Variants in MARCHF6 observed in about 807,000 individuals in gnomAD.
The protein encoded by MARCHF6 is E3 ubiquitin-protein ligase MARCHF6.
In MARCHF6, 31 loss-of-function variants were observed where a neutral mutation model predicts 133.7. The ratio of observed to expected loss-of-function variants is 0.23; its 90% confidence interval spans 0.17 to 0.31. The LOEUF is 0.31. Ranked by LOEUF, MARCHF6 falls within the 10% of genes least tolerant of loss-of-function variation. The probability of loss-of-function intolerance (pLI) is 1.00; values close to 1 mark genes in which losing one functional copy is unlikely to be tolerated. For missense variants in MARCHF6, 723 were observed against 1,121.6 expected (o/e 0.64, Z 5.08); for synonymous variants, 395 against 402.5 (o/e 0.98, Z 0.22).
intron 22 of MARCHF6, among the ~76,000 whole-genome samples, chr5:10,420,805 T>G (rs1370541863): frequency 6.6e-6 from 1 of 152,230 alleles, no homozygotes; most frequent in Non-Finnish European, 1.5e-5. Flanking sequence ...GGTTACTGCC[T>G]CATTACCAAT....
intron 5 of MARCHF6, among the ~76,000 whole-genome samples, chr5:10,388,509 G>A (rs573960864): frequency 2.6e-5 from 4 of 152,162 alleles, no homozygotes; most frequent in Non-Finnish European, 5.9e-5. Context: ...GCTTAAAACA[G>A]CTACCATTTT....
In MARCHF6 at chr5:10,438,437, A is replaced by G. The variant is rs1009747508; in HGVS notation, c.*4753A>G. 4.6e-5 allele frequency: 7 copies of G among 152,342 alleles called. No homozygotes were observed. Among genetic ancestry groups the G allele is most frequent in the East Asian group, 1.9e-4 (1 of 5,192 alleles). The allele number at this position is 152,342 out of a possible 1,614,324, so 9.4% of individuals were successfully genotyped here. ...AGGAAATGCTATTCGAACCATAGACATCTTTAATCTGTGAAGCTGAAATTT... is the reference window on the plus strand; with the variant it reads ...AGGAAATGCTATTCGAACCATAGACGTCTTTAATCTGTGAAGCTGAAATTT... On this transcript the variant is annotated 3_prime_UTR_variant, in exon 26 of 26. Transcript: ENST00000274140.
At chr5:10,360,403 T>C (rs948816394) in intron 1 of MARCHF6, among the ~76,000 whole-genome samples, 5 of 152,050 alleles carry the variant, frequency 3.3e-5, no homozygotes, top group African/African-American at 1.2e-4. Context: ...CCTCCCAAAG[T>C]GCTGGGATTA....
intron 17 of MARCHF6, among the ~76,000 whole-genome samples, chr5:10,408,598 G>A (rs1739043800): frequency 6.6e-6 from 1 of 152,174 alleles, no homozygotes; most frequent in South Asian, 2.1e-4. Flanking sequence ...TAGTGCAGTG[G>A]TATGATCATG....
chr5:10,388,393 G>A (rs1737616128), intron 5 of MARCHF6, among the ~76,000 whole-genome samples: 1 of 151,986 alleles, frequency 6.6e-6, no homozygotes, highest in South Asian at 2.1e-4. Flanking sequence ...TTTCCTTAAT[G>A]TCTTACCAGT....
intron 23 of MARCHF6, among the ~76,000 whole-genome samples, chr5:10,425,058 G>A (rs893410807): frequency 3.3e-5 from 5 of 152,216 alleles, no homozygotes; most frequent in African/African-American, 1.2e-4. Context: ...ACATAAGTAA[G>A]ACATAACAGT....
In MARCHF6 at chr5:10,360,151, T is replaced by TG. The variant is rs1212496246; in HGVS notation, c.19+6234_19+6235insG. On this transcript the variant is annotated intron_variant, in intron 1 of 25. Transcript: ENST00000274140. The stretch of plus-strand genomic sequence containing the variant: ...AAAGTTGTATGTGTGTGTGTTTTTT[T>TG]TTTTTTTTTTTTTTTGAGACAGAGT... 3.4e-5 allele frequency among the ~76,000 whole-genome samples: 5 copies of TG among 145,012 alleles called. No individual in the cohort carries two copies. The South Asian group carries it at 8.9e-4, about 26-fold the overall frequency.
Position 10,402,545 on chromosome 5 carries a change from G to A in MARCHF6, c.1135G>A (p.Val379Met). Residue 379 changes from valine to methionine, a missense_variant, in exon 14 of 26, where the codon GTG becomes ATG. By Grantham distance (21) the Val-to-Met change is conservative. Coordinates refer to ENST00000274140, the MANE Select transcript of MARCHF6 (RefSeq NM_005885.4). Reference protein sequence around the residue: ...CYIVVKVSLLVVVEIGVFPLI... With the variant: ...CYIVVKVSLLMVVEIGVFPLI... Reference sequence around the variant, plus strand: ...ATTTTCACTTAAGGTCTCTTTGTTAGTGGTGGTAGAAATTGGAGTATTCCC... The same window carrying A: ...ATTTTCACTTAAGGTCTCTTTGTTAATGGTGGTAGAAATTGGAGTATTCCC... 6.2e-7 allele frequency: 1 copy of A among 1,613,922 alleles called. No homozygotes were observed. Among genetic ancestry groups the A allele is most frequent in the Non-Finnish European group, 8.5e-7 (1 of 1,179,862 alleles).
At chr5:10,378,385 G>T (rs955761533) in intron 2 of MARCHF6, among the ~76,000 whole-genome samples, 3 of 152,134 alleles carry the variant, frequency 2.0e-5, no homozygotes, top group African/African-American at 4.8e-5. Context: ...CTTGTCCTTG[G>T]CCACATAGCC....
At chr5:10,364,905 G>C (rs1736045747) in intron 1 of MARCHF6, among the ~76,000 whole-genome samples, 1 of 152,124 alleles carries the variant, frequency 6.6e-6, no homozygotes, top group African/African-American at 2.4e-5. Flanking sequence ...CCAGGTTCAA[G>C]CGATTCTCCT....
chr5:10,396,297 G>A lies in MARCHF6; in HGVS notation c.862-996G>A, dbSNP rs145907120. Among the ~76,000 whole-genome samples the A allele has an allele frequency of 2.9e-3, 448 of 152,206 alleles. 4 individuals are homozygous for A. Among genetic ancestry groups the A allele is most frequent in the African/African-American group, 0.01 (427 of 41,524 alleles). On this transcript the variant is annotated intron_variant, in intron 9 of 25. Coordinates refer to ENST00000274140, the MANE Select transcript of MARCHF6 (RefSeq NM_005885.4). ...AAAGTGTGCATAGGACACAAGAGGG[G>A]CACAAAAGAGGGTTTGATTAGGTCT...
At chr5:10,404,991 A>T (rs1004872986) in intron 15 of MARCHF6, among the ~76,000 whole-genome samples, 1 of 152,210 alleles carries the variant, frequency 6.6e-6, no homozygotes, top group African/African-American at 2.4e-5. Flanking sequence ...AAATTTTAAT[A>T]TGTGGAACTT....
At chr5:10,392,286 GA>G (rs1216483506) in intron 7 of MARCHF6, among the ~76,000 whole-genome samples, 1 of 152,152 alleles carries the variant, frequency 6.6e-6, no homozygotes, top group African/African-American at 2.4e-5. Flanking sequence ...GGATAGATAG[GA>G]AGAAACTATT....
In MARCHF6 at chr5:10,433,837, A is replaced by C. The variant is rs1009135814; in HGVS notation, c.*153A>C. 1.2e-5 allele frequency: 8 copies of C among 640,968 alleles called. No individual in the cohort carries two copies. Among genetic ancestry groups the C allele is most frequent in the Non-Finnish European group, 2.2e-5 (8 of 359,282 alleles). The allele number at this position is 640,968 out of a possible 1,614,324, so 39.7% of individuals were successfully genotyped here. On this transcript the variant is annotated 3_prime_UTR_variant, in exon 26 of 26. Transcript: ENST00000274140. ...AGCATTCAGAGAGCAGCGGTGTAAG[A>C]TTCTGCTGTTCTCCCTGGATCTTCT...
At chr5:10,422,222 G>A (rs1739862784) in intron 22 of MARCHF6, among the ~76,000 whole-genome samples, 1 of 152,148 alleles carries the variant, frequency 6.6e-6, no homozygotes, top group Non-Finnish European at 1.5e-5. Flanking sequence ...TGGGCAAAAC[G>A]GAAGAGGAAA....
In MARCHF6 at chr5:10,433,623, A is replaced by G; in HGVS notation, c.2672A>G (p.Tyr891Cys). 4 of 1,614,226 alleles carry G rather than the reference A, an allele frequency of 2.5e-6. No homozygotes were observed. Among genetic ancestry groups the G allele is most frequent in the Non-Finnish European group, 3.4e-6 (4 of 1,180,026 alleles). ...KYLVGQRLVN[Y>C]ERKSGKQGSS... ...CTTGTGGGTCAACGACTCGTGAACT[A>G]CGAACGGAAATCTGGCAAACAAGGC... The change falls in exon 26 of 26, where the codon TAC (tyrosine) becomes TGC (cysteine). Residue 891 changes from tyrosine (Y) to cysteine (C), a missense_variant. This residue lies in a region of MARCHF6 where 492 missense variants were observed against 699.5 expected (regional missense o/e 0.70). Coordinates refer to ENST00000274140, the MANE Select transcript of MARCHF6 (RefSeq NM_005885.4).
intron 5 of MARCHF6, among the ~76,000 whole-genome samples, chr5:10,387,630 G>C (rs998782773): frequency 6.6e-6 from 1 of 151,976 alleles, no homozygotes; most frequent in Non-Finnish European, 1.5e-5. Context: ...AGGCTGTCAC[G>C]CAGTTTGAGA....
chr5:10,362,007 C>T (rs577554266), intron 1 of MARCHF6, among the ~76,000 whole-genome samples: 15 of 152,258 alleles, frequency 9.9e-5, no homozygotes, highest in Admixed American at 3.9e-4. Context: ...AGGTGATCCG[C>T]CCACCTCGGC....
intron 10 of MARCHF6, among the ~76,000 whole-genome samples, chr5:10,398,231 T>C (rs547072777): frequency 6.6e-6 from 1 of 152,282 alleles, no homozygotes; most frequent in Non-Finnish European, 1.5e-5. Flanking sequence ...TCCACCAAAT[T>C]CCAAGTTATT....
Sources: allele counts gnomAD v4.1 joint callset (sites outside exome capture counted in the v4.1 genomes callset), GRCh38; gene constraint gnomAD v4.1.1; regional missense constraint gnomAD v4.1.1; transcripts MANE v1.5; gene names NCBI Gene and HGNC (gene_info 2026-07-23, HGNC 2026-07-21).